The following SGCD variants were observed in gnomAD, a reference collection of about 807,000 sequenced individuals.
SGCD encodes the protein delta-sarcoglycan.
A neutral mutation model predicts 36.6 loss-of-function variants in SGCD; 18 were observed. The ratio of observed to expected loss-of-function variants is 0.49; its 90% CI spans 0.34 to 0.73. The LOEUF is 0.73. SGCD is among the 30% of genes least tolerant of loss of function. The pLI, the probability that SGCD is intolerant of heterozygous loss-of-function variation, is 0.01. For synonymous variants in SGCD, 133 were observed against 130.6 expected (o/e 1.02, Z -0.12); for missense variants, 387 against 346.7 (o/e 1.12, Z -0.92).
chr5:155,995,358 A>G (rs890263674), intron 1 of SGCD, among the ~76,000 whole-genome samples: 1 of 152,216 alleles, frequency 6.6e-6, no homozygotes, highest in African/African-American at 2.4e-5. Flanking sequence ...GATATAAAAT[A>G]TATAACAATA....
the SGCD span, among the ~76,000 whole-genome samples, chr5:155,835,820 C>A: frequency 6.6e-6 from 1 of 152,110 alleles, no homozygotes; most frequent in Admixed American, 6.5e-5. Context: ...CAGGAGTAAA[C>A]AATTTGTAAG....
At chr5:155,747,522 TTTTATTCTCAC>T in the SGCD span, among the ~76,000 whole-genome samples, 2 of 152,198 alleles carry the variant, frequency 1.3e-5, no homozygotes, top group Non-Finnish European at 2.9e-5. Flanking sequence ...GATAGGGACC[TTTTATTCTCAC>T]TTATGAAGTC....
At chr5:155,751,426 C>T in the SGCD span, among the ~76,000 whole-genome samples, 1 of 152,130 alleles carries the variant, frequency 6.6e-6, no homozygotes, top group Non-Finnish European at 1.5e-5. Flanking sequence ...CAGACTTTCA[C>T]TCTGTTGCCT....
intron 1 of SGCD, among the ~76,000 whole-genome samples, chr5:155,942,604 T>A (rs1757351352): frequency 6.6e-6 from 1 of 152,180 alleles, no homozygotes; most frequent in Admixed American, 6.5e-5. Context: ...GAGATTTCAG[T>A]GGCTGCCCAA....
At chr5:156,457,583 A>T (rs1754314511) in intron 3 of SGCD, among the ~76,000 whole-genome samples, 1 of 152,212 alleles carries the variant, frequency 6.6e-6, no homozygotes, top group African/African-American at 2.4e-5. Flanking sequence ...AAAACATAGA[A>T]GCAAATAAAA....
chr5:156,035,634 A>T (rs1278094518), intron 1 of SGCD, among the ~76,000 whole-genome samples: 1 of 152,138 alleles, frequency 6.6e-6, no homozygotes, highest in Non-Finnish European at 1.5e-5. Context: ...AAATAATAAT[A>T]AAAACAAGAG....
At chr5:156,223,134 C>A (rs1764760684) in intron 3 of SGCD, among the ~76,000 whole-genome samples, 1 of 151,934 alleles carries the variant, frequency 6.6e-6, no homozygotes, top group East Asian at 1.9e-4. Flanking sequence ...TTTTTCCTAC[C>A]TTGGATATAT....
chr5:156,590,618 A>C (rs780704128), intron 5 of SGCD, among the ~76,000 whole-genome samples: 4 of 152,166 alleles, frequency 2.6e-5, no homozygotes, highest in Non-Finnish European at 5.9e-5. Flanking sequence ...AAAGGAACTT[A>C]TTTAGCCTGT....
intron 3 of SGCD, among the ~76,000 whole-genome samples, chr5:156,204,333 A>G (rs1346171015): frequency 6.6e-6 from 1 of 152,066 alleles, no homozygotes; most frequent in East Asian, 1.9e-4. Context: ...TGTGAATCAG[A>G]TATAATTAAT....
At chr5:155,903,679 TC>T (rs1230093458) in intron 1 of SGCD, among the ~76,000 whole-genome samples, 1 of 152,110 alleles carries the variant, frequency 6.6e-6, no homozygotes, top group Non-Finnish European at 1.5e-5. Flanking sequence ...TTTCTAATTA[TC>T]AGTGTTGGTG....
At chr5:155,729,376 T>C in the SGCD span, among the ~76,000 whole-genome samples, 1 of 152,328 alleles carries the variant, frequency 6.6e-6, no homozygotes, top group African/African-American at 2.4e-5. Flanking sequence ...CTAAGCGCGC[T>C]TCACTAAAGA....
At chr5:156,537,307 C>T (rs542015976) in intron 4 of SGCD, among the ~76,000 whole-genome samples, 2 of 152,034 alleles carry the variant, frequency 1.3e-5, no homozygotes, top group Non-Finnish European at 2.9e-5. Context: ...TCTAGTCTCT[C>T]TCTGAAGCAG....
chr5:156,270,592 G>A (rs544187341), intron 3 of SGCD, among the ~76,000 whole-genome samples: 34 of 152,138 alleles, frequency 2.2e-4, no homozygotes, highest in African/African-American at 7.7e-4. Context: ...TTAGTAATTT[G>A]TGGTGTCCAG....
At chr5:155,859,445 T>C in the SGCD span, among the ~76,000 whole-genome samples, 1 of 152,180 alleles carries the variant, frequency 6.6e-6, no homozygotes, top group Admixed American at 6.5e-5. Flanking sequence ...TGAGTTTTGA[T>C]AAATATATAG....
At chr5:156,572,444 T>C (rs2113294631) in intron 4 of SGCD, among the ~76,000 whole-genome samples, 1 of 152,284 alleles carries the variant, frequency 6.6e-6, no homozygotes, top group African/African-American at 2.4e-5. Context: ...ATAATTATTC[T>C]AGTGGGTGTG....
chr5:156,590,542 C>T (rs750926765), intron 5 of SGCD, among the ~76,000 whole-genome samples: 3 of 152,124 alleles, frequency 2.0e-5, no homozygotes, highest in Non-Finnish European at 4.4e-5. Context: ...ATTTAAGCAG[C>T]GTGTGTGAAA....
chr5:156,589,171 C>T, intron 4 of SGCD, 60 bp from the exon 5 acceptor site: 2 of 1,231,884 alleles, frequency 1.6e-6, no homozygotes, highest in Non-Finnish European at 2.3e-6. Context: ...GTTGTAATGA[C>T]AGTTCTTTTT....
intron 3 of SGCD, among the ~76,000 whole-genome samples, chr5:156,136,062 C>G (rs1162572182): frequency 6.6e-6 from 1 of 152,120 alleles, no homozygotes; most frequent in African/African-American, 2.4e-5. Context: ...CTAGTTACTA[C>G]CTTTCTGACA....
At chr5:155,801,622 TGGTGTA>T in the SGCD span, among the ~76,000 whole-genome samples, 1 of 152,262 alleles carries the variant, frequency 6.6e-6, no homozygotes, top group East Asian at 1.9e-4. Flanking sequence ...GGAGAACAAA[TGGTGTA>T]GGTGGCCATG....
Sources: gnomAD v4.1 joint callset for allele counts (sites outside exome capture counted in the v4.1 genomes callset) on GRCh38, gnomAD v4.1.1 for gene constraint, MANE v1.5 for transcripts, NCBI Gene and HGNC (gene_info 2026-07-23, HGNC 2026-07-21) for gene names.